FBXL13: variants seen among roughly 807,000 people sequenced by gnomAD.
FBXL13 encodes F-box and leucine rich repeat protein 13, also known as F-box and leucine-rich repeat protein 13.
In FBXL13, 67 loss-of-function variants were observed where a neutral mutation model predicts 83.6. That is an observed-to-expected ratio of 0.80 (90% CI 0.66 to 0.98). The LOEUF (loss-of-function observed/expected upper bound fraction) is 0.98. Among genes scored for constraint, FBXL13 ranks in the 50% least tolerant of loss-of-function variants. FBXL13 has a pLI of 0.00. For missense variants in FBXL13, 822 were observed against 866.5 expected, an observed-to-expected ratio of 0.95 and a Z score of 0.64; for synonymous variants, 272 against 299.5, an observed-to-expected ratio of 0.91 and a Z score of 0.95.
chr7:102,974,203 A>G (rs1432050297), intron 6 of FBXL13, among the ~76,000 whole-genome samples: 1 of 152,152 alleles, frequency 6.6e-6, no homozygotes, highest in Non-Finnish European at 1.5e-5. Context: ...ATCCTGGCTA[A>G]CACGGTGAAA....
chr7:103,016,810 G>A (rs193010693), intron 6 of FBXL13, among the ~76,000 whole-genome samples: 81 of 152,302 alleles, frequency 5.3e-4, no homozygotes, highest in African/African-American at 1.8e-3. Context: ...GCTTGAGTAG[G>A]TAAACAAAGT....
At chr7:102,885,938 T>C (rs1304929502) in intron 11 of FBXL13, among the ~76,000 whole-genome samples, 1 of 152,174 alleles carries the variant, frequency 6.6e-6, no homozygotes, top group African/African-American at 2.4e-5. Flanking sequence ...CATAAATGTA[T>C]AGATTTATTT....
chr7:102,876,485 T>C (rs897857076), intron 16 of FBXL13, among the ~76,000 whole-genome samples: 1 of 151,968 alleles, frequency 6.6e-6, no homozygotes, highest in African/African-American at 2.4e-5. Context: ...CATTCATAGA[T>C]AAAGAAAGGA....
rs542446230 is a variant in FBXL13 at position 103,016,143 on chromosome 7, A to C, written c.495+8920T>G. 2.3e-3 allele frequency among the ~76,000 whole-genome samples: 347 copies of C among 152,344 alleles called. 2 individuals carry two copies. The highest frequency in any genetic ancestry group is 4.1e-3 in the Non-Finnish European group (276 of 68,034). On this transcript the variant is annotated intron_variant, in intron 6 of 19. Coordinates refer to ENST00000313221, the Ensembl canonical transcript of FBXL13. ...TCAAACTACCAATGACATTTTTCACAGAATTAGAAAAAAACTATTTTAAAA... is the reference window on the plus strand; with the variant it reads ...TCAAACTACCAATGACATTTTTCACCGAATTAGAAAAAAACTATTTTAAAA...
intron 9 of FBXL13, among the ~76,000 whole-genome samples, chr7:102,927,839 C>T (rs916458650): frequency 1.3e-5 from 2 of 152,224 alleles, no homozygotes; most frequent in African/African-American, 4.8e-5. Flanking sequence ...TAGAGAATAA[C>T]CACGTGTGGC....
At chr7:102,814,513 C>A (rs1797726893) in intron 19 of FBXL13, 1 of 152,154 alleles carries the variant, frequency 6.6e-6, no homozygotes, top group Admixed American at 6.5e-5. Context: ...TCAGTTAAAT[C>A]AAACTTTAGA....
intron 6 of FBXL13, among the ~76,000 whole-genome samples, chr7:102,983,798 T>C (rs905969593): frequency 6.6e-6 from 1 of 152,116 alleles, no homozygotes; most frequent in Non-Finnish European, 1.5e-5. Context: ...ATAAGATAAC[T>C]GTAAAACTGG....
chr7:102,886,807 G>A (rs980278444), intron 11 of FBXL13, among the ~76,000 whole-genome samples: 2 of 152,076 alleles, frequency 1.3e-5, no homozygotes, highest in African/African-American at 4.8e-5. Context: ...AATTTTTATA[G>A]CTATTGAAAT....
intron 1 of FBXL13, among the ~76,000 whole-genome samples, chr7:103,063,735 T>C (rs1419971624): frequency 7.7e-6 from 1 of 129,272 alleles, no homozygotes; most frequent in Non-Finnish European, 1.7e-5. Context: ...TTTTTTTTTC[T>C]GTAGAGACAG....
At chr7:102,819,458 A>G (rs142365719) in intron 19 of FBXL13, among the ~76,000 whole-genome samples, 147 of 152,046 alleles carry the variant, frequency 9.7e-4, no homozygotes, top group African/African-American at 3.0e-3. Flanking sequence ...AAAGTTTGCT[A>G]CTCCTCTGGT....
chr7:102,996,123 G>T (rs1215253169), intron 6 of FBXL13, among the ~76,000 whole-genome samples: 3 of 152,202 alleles, frequency 2.0e-5, no homozygotes, highest in Non-Finnish European at 2.9e-5. Flanking sequence ...TTCTCCCTGA[G>T]TCCTGAGCCT....
At chr7:103,039,539 T>G (rs987951082) in intron 2 of FBXL13, among the ~76,000 whole-genome samples, 11 of 151,612 alleles carry the variant, frequency 7.3e-5, no homozygotes, top group African/African-American at 2.7e-4. Flanking sequence ...TTCACCAAGG[T>G]TGAAATGAGG....
chr7:103,052,768 T>C (rs1796949514), intron 2 of FBXL13, among the ~76,000 whole-genome samples: 1 of 151,676 alleles, frequency 6.6e-6, no homozygotes, highest in Non-Finnish European at 1.5e-5. Flanking sequence ...TTTTTTTTTT[T>C]TTTTTGAGAT....
chr7:102,843,312 G>A (rs1431674888), intron 17 of FBXL13, among the ~76,000 whole-genome samples: 1 of 151,916 alleles, frequency 6.6e-6, no homozygotes. Context: ...GCGTGGTGGC[G>A]CATGCCTGTA....
intron 5 of FBXL13, 75 bp downstream of exon 6, chr7:103,027,374 G>A (rs1043622235): frequency 3.6e-5 from 32 of 898,706 alleles, no homozygotes; most frequent in Admixed American, 1.5e-4. Context: ...TTCCACACAC[G>A]GCATTACTAT....
intron 14 of FBXL13, among the ~76,000 whole-genome samples, chr7:102,882,018 T>C (rs1040555154): frequency 2.0e-5 from 3 of 152,184 alleles, no homozygotes; most frequent in Non-Finnish European, 2.9e-5. Flanking sequence ...CCCAGCATTT[T>C]GGGAGGCCAA....
chr7:103,013,787 A>G (rs1326239024), intron 6 of FBXL13, among the ~76,000 whole-genome samples: 1 of 152,130 alleles, frequency 6.6e-6, no homozygotes, highest in Non-Finnish European at 1.5e-5. Flanking sequence ...CAAAAGTCAG[A>G]GACGAACTAA....
exon 7 of FBXL13, chr7:102,968,092 T>C (rs1266243612): frequency 3.1e-6 from 5 of 1,613,170 alleles, no homozygotes; most frequent in Non-Finnish European, 3.4e-6. Flanking sequence ...TATTATCACA[T>C]CTTTTAAACT....
intron 19 of FBXL13, 31 bp downstream of exon 20, chr7:102,822,009 A>T: frequency 2.5e-6 from 4 of 1,610,408 alleles, no homozygotes; most frequent in Non-Finnish European, 3.4e-6. Context: ...AGTAGTTCTC[A>T]AAAGTTTGTC....
Sources: allele counts gnomAD v4.1 joint callset (sites outside exome capture counted in the v4.1 genomes callset), GRCh38; gene constraint gnomAD v4.1.1; transcripts MANE v1.5; gene names NCBI Gene and HGNC (gene_info 2026-07-23, HGNC 2026-07-21).